The following MYO1D variants were observed in gnomAD, a reference collection of about 807,000 sequenced individuals.
The protein encoded by MYO1D is myosin ID, also known as unconventional myosin-Id.
In MYO1D, 83 loss-of-function variants were observed where a neutral mutation model predicts 122.0. The ratio of observed to expected loss-of-function variants is 0.68; its 90% CI spans 0.57 to 0.82. MYO1D has a LOEUF of 0.82. MYO1D is among the 40% of genes least tolerant of loss of function. MYO1D has a pLI of 0.00. For synonymous variants in MYO1D, 464 were observed against 446.9 expected (o/e 1.04, Z -0.48); for missense variants, 1,157 against 1,269.5 (o/e 0.91, Z 1.35).
chr17:32,513,694 G>A (rs1909779493), intron 21 of MYO1D, among the ~76,000 whole-genome samples: 2 of 152,216 alleles, frequency 1.3e-5, no homozygotes, highest in African/African-American at 4.8e-5. Flanking sequence ...CAGTGATGCT[G>A]TGCTATATTA....
chr17:32,643,884 T>A (rs1053010990), intron 19 of MYO1D, among the ~76,000 whole-genome samples: 2 of 152,338 alleles, frequency 1.3e-5, no homozygotes, highest in African/African-American at 4.8e-5. Flanking sequence ...CCTGGATTCA[T>A]TGATTTTTTG....
chr17:32,556,043 T>C (rs1203803991), intron 21 of MYO1D, among the ~76,000 whole-genome samples: 1 of 152,238 alleles, frequency 6.6e-6, no homozygotes, highest in Non-Finnish European at 1.5e-5. Flanking sequence ...ATTTGTTTAC[T>C]TGGGTTTTGT....
chr17:32,569,599 C>T (rs2087204324), intron 21 of MYO1D, among the ~76,000 whole-genome samples: 1 of 152,174 alleles, frequency 6.6e-6, no homozygotes, highest in Admixed American at 6.5e-5. Flanking sequence ...ATGGGAGACG[C>T]CCAGGAGTGT....
chr17:32,575,236 C>T (rs2087268073), intron 21 of MYO1D, among the ~76,000 whole-genome samples: 2 of 152,156 alleles, frequency 1.3e-5, no homozygotes, highest in Non-Finnish European at 2.9e-5. Flanking sequence ...ACTTTTGGCC[C>T]AGCCAAACGT....
At chr17:32,640,457 C>T (rs1301190178) in intron 19 of MYO1D, among the ~76,000 whole-genome samples, 1 of 142,644 alleles carries the variant, frequency 7.0e-6, no homozygotes, top group Non-Finnish European at 1.5e-5. Context: ...GTATATCTCC[C>T]AATGCTATCC....
intron 14 of MYO1D, 108 bp downstream of exon 14, chr17:32,738,145 C>A: frequency 2.1e-6 from 2 of 963,726 alleles, no homozygotes; most frequent in South Asian, 2.4e-5. Context: ...TATACATATT[C>A]TTCAATCTAC....
chr17:32,818,690 C>G (rs1027653909), intron 1 of MYO1D, among the ~76,000 whole-genome samples: 2 of 152,172 alleles, frequency 1.3e-5, no homozygotes, highest in African/African-American at 4.8e-5. Flanking sequence ...CTTGCTATAG[C>G]GATCTTGGGC....
intron 20 of MYO1D, among the ~76,000 whole-genome samples, chr17:32,630,817 C>T (rs1426437446): frequency 6.6e-6 from 1 of 152,170 alleles, no homozygotes; most frequent in African/African-American, 2.4e-5. Flanking sequence ...TCGTGATCCA[C>T]CCGCCTCAGC....
rs368188856 is a variant in MYO1D, at chr17:32,494,750, C to A, written c.*9G>T. On this transcript the variant is annotated 3_prime_UTR_variant, in exon 22 of 22. Transcript: ENST00000318217. ...GTGGCCGGGCTCCGGGCCAGGCCTC[C>A]GCGGGGCGTCAGTTCCCGGGCACGC... 6.9e-6 allele frequency: 11 copies of A among 1,587,394 alleles called. No individual in the cohort carries two copies. Among genetic ancestry groups the A allele is most frequent in the Non-Finnish European group, 9.4e-6 (11 of 1,167,862 alleles).
Position 32,721,067 on chromosome 17 carries a change from C to T in MYO1D, c.1869G>A (p.Arg623=), listed in dbSNP as rs200473813. The T allele has an allele frequency of 5.0e-6, 8 of 1,614,020 alleles. No homozygotes were observed. Among genetic ancestry groups the T allele is most frequent in the Non-Finnish European group, 6.8e-6 (8 of 1,180,022 alleles). ...LGLLENVRVR[R]AGFAFRQTYE... ...ATGTCTGGCGGAAGGCAAATCCTGC[C>T]CGACGCACTCTCACATTTTCCAGTA... is the stretch of plus-strand genomic sequence containing the variant. Residue 623 remains arginine (R), a synonymous_variant, in exon 15 of 22, where the codon CGG becomes CGA. Transcript: ENST00000318217.
At chr17:32,876,622 G>A in intron 1 of MYO1D, 156 bp downstream of exon 1, 1 of 536,496 alleles carries the variant, frequency 1.9e-6, no homozygotes, top group Non-Finnish European at 3.0e-6. Flanking sequence ...AAGCGCAGCC[G>A]CGGAGCTTGG....
Position 32,538,877 on chromosome 17 carries a change from A to T in MYO1D, c.2865-43962T>A, listed in dbSNP as rs527763924. On this transcript the variant is annotated intron_variant, in intron 21 of 21. Transcript: ENST00000318217. ...AACCAAACACCGCATGTTCTTGCTCATAAGTGAGAGCTGCTGAACAATGAG... is the reference window on the plus strand; with the variant it reads ...AACCAAACACCGCATGTTCTTGCTCTTAAGTGAGAGCTGCTGAACAATGAG... 2.6e-5 allele frequency among the ~76,000 whole-genome samples: 4 copies of T among 152,170 alleles called. No homozygotes were observed. In the East Asian group the frequency reaches 7.7e-4, roughly 29 times the overall value.
At chr17:32,855,134 C>T (rs900270880) in intron 1 of MYO1D, among the ~76,000 whole-genome samples, 1 of 152,142 alleles carries the variant, frequency 6.6e-6, no homozygotes, top group Non-Finnish European at 1.5e-5. Flanking sequence ...CCTTTAATTG[C>T]TTGCTGATTT....
chr17:32,629,227 G>C (rs993522529), intron 20 of MYO1D, among the ~76,000 whole-genome samples: 1 of 152,170 alleles, frequency 6.6e-6, no homozygotes, highest in African/African-American at 2.4e-5. Flanking sequence ...GGGAAAGAGG[G>C]AAAGGAATGA....
intron 21 of MYO1D, among the ~76,000 whole-genome samples, chr17:32,511,715 A>G (rs1223849052): frequency 6.6e-6 from 1 of 152,004 alleles, no homozygotes; most frequent in Non-Finnish European, 1.5e-5. Context: ...GTGAACACCA[A>G]TGTTTATTTT....
intron 21 of MYO1D, among the ~76,000 whole-genome samples, chr17:32,554,165 G>T (rs913668301): frequency 1.3e-5 from 2 of 152,108 alleles, no homozygotes; most frequent in African/African-American, 4.8e-5. Context: ...ACTCCACTGG[G>T]ATTCTCAACT....
At chr17:32,685,025 GA>G (rs1168420737) in intron 16 of MYO1D, among the ~76,000 whole-genome samples, 3 of 150,044 alleles carry the variant, frequency 2.0e-5, no homozygotes, top group East Asian at 1.9e-4. Context: ...TTTTTTTTTG[GA>G]AAAAAAAGTC....
chr17:32,791,692 T>C (rs1488475971), intron 1 of MYO1D, among the ~76,000 whole-genome samples: 1 of 152,168 alleles, frequency 6.6e-6, no homozygotes, highest in Non-Finnish European at 1.5e-5. Context: ...TGTAGTATCG[T>C]CTACCTTTTT....
At chr17:32,783,535 T>C (rs1253311160) in intron 1 of MYO1D, among the ~76,000 whole-genome samples, 18 of 152,166 alleles carry the variant, frequency 1.2e-4, no homozygotes, top group Admixed American at 9.8e-4. Context: ...AAGAAAATAA[T>C]TGAATGCATA....
Sources: allele counts gnomAD v4.1 joint callset (sites outside exome capture counted in the v4.1 genomes callset), GRCh38; gene constraint gnomAD v4.1.1; transcripts MANE v1.5; gene names NCBI Gene and HGNC (gene_info 2026-07-23, HGNC 2026-07-21).